FXYD6: variants seen among roughly 807,000 people sequenced by gnomAD.
The protein encoded by FXYD6 is FXYD domain-containing ion transport regulator 6.
In FXYD6, 7 loss-of-function variants were observed where a neutral mutation model predicts 16.7. The observed-to-expected ratio is 0.42, with a 90% CI of 0.24 to 0.79. The LOEUF (loss-of-function observed/expected upper bound fraction) is 0.79. FXYD6 is among the 30% of genes least tolerant of loss of function. The pLI is 0.28. For synonymous variants in FXYD6, 49 were observed against 43.0 expected, an observed-to-expected ratio of 1.14 and a Z score of -0.54; for missense variants, 111 against 116.2, an observed-to-expected ratio of 0.95 and a Z score of 0.21.
chr11:117,843,376 G>T (rs775458635), intron 1 of FXYD6, among the ~76,000 whole-genome samples: 3 of 152,182 alleles, frequency 2.0e-5, no homozygotes, highest in Non-Finnish European at 2.9e-5. Flanking sequence ...GTGAGTAGCA[G>T]GGCCTAGATC....
intron 1 of FXYD6, among the ~76,000 whole-genome samples, chr11:117,860,246 T>C (rs1219749669): frequency 6.6e-6 from 1 of 151,942 alleles, no homozygotes; most frequent in Non-Finnish European, 1.5e-5. Context: ...ATCACATCCA[T>C]TTGGGGGCAA....
At chr11:117,850,385 T>C (rs1186488970) in intron 1 of FXYD6, among the ~76,000 whole-genome samples, 1 of 152,250 alleles carries the variant, frequency 6.6e-6, no homozygotes, top group East Asian at 1.9e-4. Flanking sequence ...TTTAGAATTA[T>C]GTAGTGATCC....
At chr11:117,864,019 C>T (rs2056962872) in intron 1 of FXYD6, among the ~76,000 whole-genome samples, 1 of 152,144 alleles carries the variant, frequency 6.6e-6, no homozygotes. Context: ...GATATTAATA[C>T]TATCCAAAAT....
At chr11:117,858,754 T>C (rs2134180447) in intron 1 of FXYD6, among the ~76,000 whole-genome samples, 1 of 135,668 alleles carries the variant, frequency 7.4e-6, no homozygotes, top group South Asian at 2.5e-4. Context: ...CCTTCCTTCC[T>C]TCCTTCCTTC....
At position 117,841,941 on chromosome 11, in the gene FXYD6, C is replaced by G. The variant is rs73593313; in HGVS notation, c.97+49G>C. ...TGTTCCCCCTACCCCTCCTGCCAGG[C>G]AGGGCTGCATTCCCCCTGACCCCTG... On this transcript the variant is annotated intron_variant, in intron 3 of 7. Coordinates refer to ENST00000526014, the MANE Select transcript of FXYD6 (RefSeq NM_022003.4). 3.5e-4 allele frequency: 560 copies of G among 1,614,068 alleles called. 2 individuals are homozygous for G. The African/African-American group carries it at 7.0e-3, about 20-fold the overall frequency.
Position 117,870,142 on chromosome 11 carries a change from C to A in FXYD6, c.-6+6450G>T, listed in dbSNP as rs567919300. ...GAAGCAGAAACACAGAACAGTACTG[C>A]GAGGCCAACTCAGGCACAGGCCAAT... On this transcript the variant is annotated intron_variant, in intron 1 of 7. Transcript: ENST00000526014. The surrounding 1 kb of genome is among the most constrained non-coding windows in gnomAD (Gnocchi z 4.2). Among the ~76,000 whole-genome samples the A allele has an allele frequency of 6.6e-6, 1 of 152,370 alleles. No individual in the cohort carries two copies. The highest frequency in any genetic ancestry group is 6.5e-5 in the Admixed American group (1 of 15,312).
At chr11:117,850,019 T>C (rs975567847) in intron 1 of FXYD6, among the ~76,000 whole-genome samples, 4 of 152,216 alleles carry the variant, frequency 2.6e-5, no homozygotes, top group Non-Finnish European at 5.9e-5. Flanking sequence ...TTCCTGTACA[T>C]ATGTCCTGTG....
At chr11:117,838,362 C>A (rs1303976240) in intron 7 of FXYD6, 85 bp from the exon 8 acceptor site, 2 of 697,476 alleles carry the variant, frequency 2.9e-6, no homozygotes, top group Non-Finnish European at 5.2e-6. Flanking sequence ...TGAGCACCTG[C>A]CCACTGAAAT....
chr11:117,860,401 G>A (rs1404621103), intron 1 of FXYD6, among the ~76,000 whole-genome samples: 1 of 152,204 alleles, frequency 6.6e-6, no homozygotes, highest in South Asian at 2.1e-4. Flanking sequence ...TGCGCAGAGA[G>A]CCACAATGCA....
chr11:117,838,929 C>G (rs1030266205), intron 7 of FXYD6: 3 of 154,390 alleles, frequency 1.9e-5, no homozygotes, highest in African/African-American at 7.2e-5. Flanking sequence ...GTGAGATAAA[C>G]TTATATACCT....
intron 1 of FXYD6, among the ~76,000 whole-genome samples, chr11:117,858,878 C>G (rs1467267210): frequency 6.6e-6 from 1 of 151,610 alleles, no homozygotes; most frequent in African/African-American, 2.4e-5. Flanking sequence ...CAGGCTCAAG[C>G]GATTCTCCTG....
chr11:117,873,719 G>T (rs1330345992), intron 1 of FXYD6, among the ~76,000 whole-genome samples: 1 of 152,226 alleles, frequency 6.6e-6, no homozygotes, highest in East Asian at 1.9e-4. Flanking sequence ...TTGGGAGGAA[G>T]AGAGGAGGTG....
chr11:117,852,936 T>C (rs369964729), intron 1 of FXYD6, among the ~76,000 whole-genome samples: 2 of 152,268 alleles, frequency 1.3e-5, no homozygotes, highest in East Asian at 3.8e-4. Flanking sequence ...TGTGTTTCAA[T>C]GGTCATATTA....
intron 1 of FXYD6, among the ~76,000 whole-genome samples, chr11:117,861,325 G>A (rs1189047971): frequency 1.3e-5 from 2 of 152,222 alleles, no homozygotes; most frequent in Non-Finnish European, 2.9e-5. Flanking sequence ...AGGAGGAGGA[G>A]TCTGTTGGGG....
chr11:117,846,163 G>A (rs1034853111), intron 1 of FXYD6, among the ~76,000 whole-genome samples: 2 of 152,178 alleles, frequency 1.3e-5, no homozygotes, highest in African/African-American at 4.8e-5. Flanking sequence ...TGGCTTTAAT[G>A]TGATTACACT....
In FXYD6 at chr11:117,838,117, G is replaced by C; in HGVS notation, c.*182C>G. ...GGCTGCAGTGGGGAGGCAAGTGTTA[G>C]TTGCATCATCAGGTGGAGGAATGGT... On this transcript the variant is annotated 3_prime_UTR_variant, in exon 8 of 8. Transcript: ENST00000526014. 2.9e-6 allele frequency: 2 copies of C among 697,002 alleles called. No individual in the cohort carries two copies. The highest frequency in any genetic ancestry group is 5.2e-6 in the Non-Finnish European group (2 of 381,932). 43.2% of individuals were successfully genotyped at this position (697,002 alleles called of 1,614,324 possible).
chr11:117,877,267 G>A (rs2057290591), upstream of FXYD6: 1 of 152,312 alleles, frequency 6.6e-6, no homozygotes, highest in Non-Finnish European at 1.5e-5. Context: ...TTCAGCTAGA[G>A]CCAGGTGGGG....
intron 1 of FXYD6, among the ~76,000 whole-genome samples, chr11:117,846,627 TC>T (rs2056477143): frequency 6.6e-6 from 1 of 152,214 alleles, no homozygotes; most frequent in Non-Finnish European, 1.5e-5. Flanking sequence ...GCAGACTGCC[TC>T]CCCTTTTCCT....
chr11:117,864,853 G>C (rs182265873), intron 1 of FXYD6, among the ~76,000 whole-genome samples: 18 of 152,268 alleles, frequency 1.2e-4, no homozygotes, highest in East Asian at 7.7e-4. Flanking sequence ...CCAAAGTGCT[G>C]GGATTACAGA....
Sources: allele counts gnomAD v4.1 joint callset (sites outside exome capture counted in the v4.1 genomes callset), GRCh38; gene constraint gnomAD v4.1.1; non-coding constraint Gnocchi (gnomAD v3.1); transcripts MANE v1.5; gene names NCBI Gene and HGNC (gene_info 2026-07-23, HGNC 2026-07-21).